CEACAM19: variants seen among roughly 807,000 people sequenced by gnomAD.
CEACAM19 encodes the protein cell adhesion molecule CEACAM19.
Under a neutral mutation model 37.6 loss-of-function variants are expected in CEACAM19, and 37 were observed. The observed-to-expected ratio is 0.98, with a 90% CI of 0.76 to 1.29. The LOEUF is 1.29. Ranked by LOEUF, CEACAM19 falls within the 50% of genes most tolerant of loss-of-function variation. The pLI, the probability that CEACAM19 is intolerant of heterozygous loss-of-function variation, is 0.00. For missense variants in CEACAM19, 340 were observed against 375.6 expected (o/e 0.91, Z 0.78); for synonymous variants, 140 against 149.8 (o/e 0.93, Z 0.48).
chr19:44,667,694 TAA>T (rs1973745920), upstream of CEACAM19, among the ~76,000 whole-genome samples: 1 of 83,098 alleles, frequency 1.2e-5, no homozygotes, highest in African/African-American at 5.0e-5. Flanking sequence ...TATAAATATA[TAA>T]TATATATTAT....
At chr19:44,668,315 AT>A, upstream of CEACAM19, among the ~76,000 whole-genome samples, 4 of 73,786 alleles carry the variant, frequency 5.4e-5, no homozygotes, top group African/African-American at 2.7e-4. Flanking sequence ...TTTATATATT[AT>A]TATATTTATA....
chr19:44,672,019 G>A, intron 1 of CEACAM19, 33 bp downstream of exon 1: 1 of 1,542,916 alleles, frequency 6.5e-7, no homozygotes, highest in Non-Finnish European at 8.9e-7. Flanking sequence ...AGGCCAAGGG[G>A]AGAAATGGGG....
upstream of CEACAM19, among the ~76,000 whole-genome samples, chr19:44,668,546 T>TATATG (rs1973792899): frequency 1.4e-5 from 1 of 69,048 alleles, no homozygotes; most frequent in African/African-American, 9.1e-5. Flanking sequence ...ATGTATATAA[T>TATATG]TATATAATTA....
At position 44,673,025 on chromosome 19, in the gene CEACAM19, C is replaced by A. The variant is rs73565970; in HGVS notation, c.424+61C>A. The A allele has an allele frequency of 1.7e-3, 2,231 of 1,351,658 alleles. 39 individuals are homozygous for A. In the African/African-American group the frequency reaches 0.031, roughly 18 times the overall value. 83.7% of individuals were successfully genotyped at this position (1,351,658 alleles called of 1,614,324 possible). On this transcript the variant is annotated intron_variant, in intron 2 of 7. Coordinates refer to ENST00000358777, the MANE Select transcript of CEACAM19 (RefSeq NM_001127893.3). The stretch of plus-strand genomic sequence containing the variant: ...TAATGAGCCCTGAGCAGCTACCATG[C>A]ACCAGGTGCTGTGCAAACACCATTT...
intron 4 of CEACAM19, among the ~76,000 whole-genome samples, chr19:44,679,284 C>T (rs907412598): frequency 1.3e-5 from 2 of 152,200 alleles, no homozygotes; most frequent in African/African-American, 4.8e-5. Flanking sequence ...TGAGCCATTT[C>T]ACTTGGTTCC....
chr19:44,676,565 C>G, intron 3 of CEACAM19, 144 bp downstream of exon 3: 1 of 762,790 alleles, frequency 1.3e-6, no homozygotes, highest in Non-Finnish European at 2.1e-6. Context: ...TCTTTCTATC[C>G]TGTATTAAAC....
chr19:44,679,771 T>C (rs1261851185), intron 4 of CEACAM19, among the ~76,000 whole-genome samples: 1 of 96,986 alleles, frequency 1.0e-5, no homozygotes, highest in Non-Finnish European at 2.2e-5. Flanking sequence ...TAAAATAAAA[T>C]AAAATAAAAT....
chr19:44,670,723 T>TTGTC (rs1454563433), upstream of CEACAM19, among the ~76,000 whole-genome samples: 1 of 133,952 alleles, frequency 7.5e-6, no homozygotes, highest in African/African-American at 2.8e-5. Flanking sequence ...GTGACATATT[T>TTGTC]AAATGGTAAG....
chr19:44,668,768 T>A (rs1349985099), upstream of CEACAM19, among the ~76,000 whole-genome samples: 8 of 113,920 alleles, frequency 7.0e-5, no homozygotes, highest in Admixed American at 5.1e-4. Flanking sequence ...ATATATATAA[T>A]ATAATATATA....
At position 44,671,869 on chromosome 19, in the gene CEACAM19, C is replaced by T; in HGVS notation, c.-63C>T. 1 of 1,471,188 alleles carries T rather than the reference C, an allele frequency of 6.8e-7. No individual in the cohort carries two copies. Among genetic ancestry groups the T allele is most frequent in the Non-Finnish European group, 9.3e-7 (1 of 1,070,814 alleles). 91.1% of individuals were successfully genotyped at this position (1,471,188 alleles called of 1,614,324 possible). On this transcript the variant is annotated 5_prime_UTR_variant, in exon 1 of 8. Coordinates refer to ENST00000358777, the MANE Select transcript of CEACAM19 (RefSeq NM_001127893.3). ...CTGGCCTACTTCAGACAGCCAGGGC[C>T]CACCCCTCTGGCCCCCTTAGTGTCC...
chr19:44,668,199 T>A (rs576814408), upstream of CEACAM19, among the ~76,000 whole-genome samples: 1 of 81,914 alleles, frequency 1.2e-5, no homozygotes, highest in Admixed American at 2.3e-4. Context: ...ATTTTATATA[T>A]TATATATATA....
chr19:44,683,420 C>G lies in CEACAM19; in HGVS notation c.847-17C>G. 1 of 1,465,314 alleles carries G rather than the reference C, an allele frequency of 6.8e-7. No individual in the cohort carries two copies. Among genetic ancestry groups the G allele is most frequent in the Non-Finnish European group, 9.3e-7 (1 of 1,080,162 alleles). The allele number at this position is 1,465,314 out of a possible 1,614,324, so 90.8% of individuals were successfully genotyped here. A position where few individuals can be genotyped will look rare whatever the true frequency, so the allele number is the denominator to read the frequency against. On this transcript the variant is annotated splice_polypyrimidine_tract_variant and intron_variant, in intron 7 of 7. Coordinates refer to ENST00000358777, the MANE Select transcript of CEACAM19 (RefSeq NM_001127893.3). Reference sequence around the variant, plus strand: ...CTCCACCCAGTCATAATTCTGTTCTCTCTTCCCCCCAAGCAGGACCTGCTA... The same window carrying G: ...CTCCACCCAGTCATAATTCTGTTCTGTCTTCCCCCCAAGCAGGACCTGCTA...
upstream of CEACAM19, among the ~76,000 whole-genome samples, chr19:44,668,687 A>T (rs1429124550): frequency 3.0e-5 from 2 of 66,266 alleles, no homozygotes; most frequent in Admixed American, 4.9e-4. Flanking sequence ...TATATATTAT[A>T]ATATATTATA....
chr19:44,667,909 T>A (rs1367724603), upstream of CEACAM19, among the ~76,000 whole-genome samples: 7 of 77,700 alleles, frequency 9.0e-5, no homozygotes, highest in African/African-American at 4.1e-4. Context: ...ATATATAAAA[T>A]ATATATAAAT....
intron 3 of CEACAM19, among the ~76,000 whole-genome samples, chr19:44,677,124 A>G (rs948614732): frequency 1.3e-5 from 2 of 152,082 alleles, no homozygotes; most frequent in African/African-American, 4.8e-5. Flanking sequence ...ATTCCTAGCA[A>G]GGAGACCACC....
At chr19:44,683,381 C>T in intron 7 of CEACAM19, 56 bp from the exon 8 acceptor site, 2 of 714,242 alleles carry the variant, frequency 2.8e-6, no homozygotes, top group South Asian at 1.7e-5. Flanking sequence ...CTCTGTCTCC[C>T]CAAGACTCTC....
chr19:44,680,449 C>G, intron 5 of CEACAM19, 115 bp downstream of exon 5: 1 of 958,492 alleles, frequency 1.0e-6, no homozygotes, highest in Non-Finnish European at 1.6e-6. Context: ...AATGCACCTG[C>G]CCCGAGACCT....
chr19:44,682,442 C>G lies in CEACAM19; in HGVS notation c.793-125C>G, dbSNP rs998598687. ...TGTAAGGAAGCTAATCCCCTCTGCC[C>G]AGGGGCCTCACAGTCTGGGAGGGGT... is the stretch of plus-strand genomic sequence containing the variant. On this transcript the variant is annotated intron_variant, in intron 6 of 7. Transcript: ENST00000358777. The G allele has an allele frequency of 3.2e-6, 3 of 935,320 alleles. No individual in the cohort carries two copies. In the East Asian group the frequency reaches 8.1e-5, roughly 25 times the overall value. The allele number at this position is 935,320 out of a possible 1,614,324, so 57.9% of individuals were successfully genotyped here.
At position 44,671,575 on chromosome 19, in the gene CEACAM19, A is replaced by G. The variant is rs1011182352; in HGVS notation, c.-357A>G. 7.2e-6 allele frequency: 3 copies of G among 414,284 alleles called. No homozygotes were observed. The highest frequency in any genetic ancestry group is 1.3e-5 in the Non-Finnish European group (3 of 234,652). The allele number at this position is 414,284 out of a possible 1,614,324, so 25.7% of individuals were successfully genotyped here. A position where few individuals can be genotyped will look rare whatever the true frequency, so the allele number is the denominator to read the frequency against. Reference sequence around the variant, plus strand: ...AATGAGGCAGTGTGTGTTTGAACAAACCCAGGGGAATTGTTCAAACAGAGG... The same window carrying G: ...AATGAGGCAGTGTGTGTTTGAACAAGCCCAGGGGAATTGTTCAAACAGAGG... On this transcript the variant is annotated 5_prime_UTR_variant, in exon 1 of 8. Coordinates refer to ENST00000358777, the MANE Select transcript of CEACAM19 (RefSeq NM_001127893.3).
Sources: gnomAD v4.1 joint callset for allele counts (sites outside exome capture counted in the v4.1 genomes callset) on GRCh38, gnomAD v4.1.1 for gene constraint, MANE v1.5 for transcripts, NCBI Gene and HGNC (gene_info 2026-07-23, HGNC 2026-07-21) for gene names.